Variants in NAP1L4 observed in about 807,000 individuals in gnomAD.
NAP1L4 encodes the protein nucleosome assembly protein 1 like 4.
A neutral mutation model predicts 58.2 loss-of-function variants in NAP1L4; 15 were observed. That is an observed-to-expected ratio of 0.26 (90% confidence interval 0.17 to 0.40). NAP1L4 has a LOEUF of 0.40. Among genes scored for constraint, NAP1L4 ranks in the 10% least tolerant of loss-of-function variants. The pLI is 1.00. For synonymous variants in NAP1L4, 171 were observed against 155.6 expected (o/e 1.10, Z -0.74); for missense variants, 384 against 451.1 (o/e 0.85, Z 1.35).
chr11:2,990,835 G>C (rs1293124030), intron 1 of NAP1L4: 3 of 251,212 alleles, frequency 1.2e-5, no homozygotes, highest in Admixed American at 9.2e-5. Flanking sequence ...AGAGTCCCTG[G>C]TGCGCAGTGC....
intron 3 of NAP1L4, among the ~76,000 whole-genome samples, chr11:2,977,416 C>G (rs1848029363): frequency 6.6e-6 from 1 of 152,192 alleles, no homozygotes; most frequent in Non-Finnish European, 1.5e-5. Flanking sequence ...AATGTTTACC[C>G]TGAATCTCAT....
intron 15 of NAP1L4, among the ~76,000 whole-genome samples, chr11:2,947,695 G>A (rs1177596606): frequency 6.6e-6 from 1 of 152,068 alleles, no homozygotes; most frequent in Non-Finnish European, 1.5e-5. Flanking sequence ...TGATGGTTGA[G>A]TCATTAATCA....
intron 1 of NAP1L4, among the ~76,000 whole-genome samples, chr11:2,986,204 T>G (rs1395858192): frequency 6.6e-6 from 1 of 151,844 alleles, no homozygotes; most frequent in East Asian, 1.9e-4. Flanking sequence ...TGAAATTCCA[T>G]CTCCATTAAA....
intron 7 of NAP1L4, among the ~76,000 whole-genome samples, chr11:2,969,276 CTCTT>C (rs1847488335): frequency 6.6e-6 from 1 of 151,422 alleles, no homozygotes; most frequent in African/African-American, 2.4e-5. Context: ...CATGCCTGGC[CTCTT>C]TTTTTAAAAA....
rs770116545 is a variant in NAP1L4 at position 2,964,730 on chromosome 11, T to G, written c.556A>C (p.Lys186Gln). 3 of 1,613,830 alleles carry G rather than the reference T, an allele frequency of 1.9e-6. No homozygotes were observed. The highest frequency in any genetic ancestry group is 2.5e-6 in the Non-Finnish European group (3 of 1,179,786). The change falls in exon 8 of 16, where the codon AAA becomes CAA. Residue 186 changes from lysine to glutamine, a missense_variant. Lys to Gln is a moderately conservative substitution (Grantham distance 53, BLOSUM62 1). Around this residue, in one of 3 missense-constraint regions of NAP1L4, gnomAD observed 296 missense variants for 360.8 expected, o/e 0.82. Transcript: ENST00000380542. ...TTCACTTTAATATCCTGCAGGTGTT[T>G]CAAGATTGGTTCATCATATTCCTAA... ...LVQEYDEPIL[K>Q]HLQDIKVKFS...
intron 6 of NAP1L4, among the ~76,000 whole-genome samples, chr11:2,970,506 A>G (rs1847576128): frequency 6.6e-6 from 1 of 152,174 alleles, no homozygotes; most frequent in Non-Finnish European, 1.5e-5. Flanking sequence ...AAGTGGCTAT[A>G]AATGCCAGCT....
intron 8 of NAP1L4, chr11:2,963,882 C>T (rs778352761): frequency 7.5e-5 from 39 of 519,268 alleles, no homozygotes; most frequent in Middle Eastern, 6.4e-4. Flanking sequence ...TAACGGGTTA[C>T]GAACAGTGCT....
intron 8 of NAP1L4, among the ~76,000 whole-genome samples, chr11:2,964,224 C>T (rs1049839489): frequency 2.0e-5 from 3 of 151,936 alleles, no homozygotes; most frequent in East Asian, 1.9e-4. Context: ...TAAACATATA[C>T]ATTAGATGCA....
intron 4 of NAP1L4, among the ~76,000 whole-genome samples, chr11:2,974,556 T>TAA (rs1434878299): frequency 6.6e-6 from 1 of 152,162 alleles, no homozygotes; most frequent in Non-Finnish European, 1.5e-5. Context: ...CCTTGCCCAC[T>TAA]AAGTAATCTC....
chr11:2,985,949 T>G (rs1317318811), intron 1 of NAP1L4, among the ~76,000 whole-genome samples: 1 of 152,238 alleles, frequency 6.6e-6, no homozygotes, highest in Admixed American at 6.5e-5. Context: ...CAATCCTATT[T>G]ATGGATTAAT....
At position 2,945,360 on chromosome 11, in the gene NAP1L4, C is replaced by T. The variant is rs1166718046; in HGVS notation, c.*319G>A. On this transcript the variant is annotated 3_prime_UTR_variant, in exon 16 of 16. Coordinates refer to ENST00000380542, the MANE Select transcript of NAP1L4 (RefSeq NM_005969.4). Reference sequence around the variant, plus strand: ...GGGAAAGGCCCAGGGAAGTCCAGAGCTACAGGCACCAAGGCTGCAGAGGGT... The same window carrying T: ...GGGAAAGGCCCAGGGAAGTCCAGAGTTACAGGCACCAAGGCTGCAGAGGGT... 1 of 488,350 alleles carries T rather than the reference C, an allele frequency of 2.0e-6. No homozygotes were observed. Among genetic ancestry groups the T allele is most frequent in the Admixed American group, 3.7e-5 (1 of 27,094 alleles). 30.3% of individuals were successfully genotyped at this position (488,350 alleles called of 1,614,324 possible).
chr11:2,953,791 G>A (rs1191108595), intron 12 of NAP1L4, among the ~76,000 whole-genome samples: 2 of 152,226 alleles, frequency 1.3e-5, no homozygotes, highest in Non-Finnish European at 2.9e-5. Flanking sequence ...TTGCCGCCCT[G>A]TCTGAAGCCC....
At chr11:2,978,206 A>C (rs1848080552) in intron 3 of NAP1L4, 78 bp downstream of exon 3, 1 of 1,382,746 alleles carries the variant, frequency 7.2e-7, no homozygotes, top group South Asian at 1.2e-5. Context: ...GGAATCCTTT[A>C]CTTGCATTAA....
rs1488884834 is a variant in NAP1L4 at position 2,958,532 on chromosome 11, G to A, written c.759C>T (p.Asp253=). Residue 253 remains aspartate (D), a synonymous_variant, in exon 10 of 16, where the codon GAC becomes GAT. Coordinates refer to ENST00000380542, the MANE Select transcript of NAP1L4 (RefSeq NM_005969.4). ...EIVDCDGCTI[D]WKKGKNVTVK... is the part of the protein sequence containing the mutation. ...CAGTAACATTCTTTCCTTTCTTCCAGTCAATAGTACACCTACCAGGACAAG... is the reference window on the plus strand; with the variant it reads ...CAGTAACATTCTTTCCTTTCTTCCAATCAATAGTACACCTACCAGGACAAG... 1 of 1,613,784 alleles carries A rather than the reference G, an allele frequency of 6.2e-7. No homozygotes were observed.
rs7103826 is a variant in NAP1L4 at position 2,949,649 on chromosome 11, C to G, written c.1123-385G>C. 0.027 allele frequency among the ~76,000 whole-genome samples: 4,093 copies of G among 152,306 alleles called. 182 individuals carry two copies. Among genetic ancestry groups the G allele is most frequent in the African/African-American group, 0.093 (3,868 of 41,526 alleles). On this transcript the variant is annotated intron_variant, in intron 14 of 15. Transcript: ENST00000380542. This position sits in a 1 kb window ranked among gnomAD's most constrained non-coding sequence, Gnocchi z 4.0. Reference sequence around the variant, plus strand: ...GAACATGTTTTTAGTCCCTTCTCCCCCAACCAACATAACCGTTTATCAAAG... The same window carrying G: ...GAACATGTTTTTAGTCCCTTCTCCCGCAACCAACATAACCGTTTATCAAAG...
At chr11:2,963,108 A>G (rs967098131) in intron 8 of NAP1L4, among the ~76,000 whole-genome samples, 46 of 150,960 alleles carry the variant, frequency 3.0e-4, no homozygotes, top group African/African-American at 1.1e-3. Context: ...CAAAAAAAAA[A>G]AAAAAAAGAA....
chr11:2,990,860 T>A (rs1223440538), intron 1 of NAP1L4: 11 of 305,060 alleles, frequency 3.6e-5, no homozygotes, highest in South Asian at 2.7e-4. Context: ...ATTAGTCATT[T>A]AGAGGTATAG....
intron 10 of NAP1L4, among the ~76,000 whole-genome samples, chr11:2,956,039 T>C (rs1231544360): frequency 6.6e-6 from 1 of 152,166 alleles, no homozygotes; most frequent in East Asian, 1.9e-4. Flanking sequence ...GAAGATCATT[T>C]TGAGAGAGTT....
At chr11:2,967,422 C>G (rs1447171653) in intron 7 of NAP1L4, among the ~76,000 whole-genome samples, 1 of 152,060 alleles carries the variant, frequency 6.6e-6, no homozygotes, top group Non-Finnish European at 1.5e-5. Context: ...ACCATCCTGG[C>G]TAACACAGTG....
Sources: allele counts gnomAD v4.1 joint callset (sites outside exome capture counted in the v4.1 genomes callset), GRCh38; gene constraint gnomAD v4.1.1; regional missense constraint gnomAD v4.1.1; non-coding constraint Gnocchi (gnomAD v3.1); transcripts MANE v1.5; gene names NCBI Gene and HGNC (gene_info 2026-07-23, HGNC 2026-07-21).